Variants in TNNI3K observed in about 807,000 individuals in gnomAD.
TNNI3K encodes the protein serine/threonine-protein kinase TNNI3K.
TNNI3K carries 140 observed loss-of-function variants against 114.5 expected under a neutral mutation model. That is an observed-to-expected ratio of 1.22 (90% CI 1.07 to 1.41). The LOEUF (loss-of-function observed/expected upper bound fraction) is 1.41. TNNI3K is among the 40% of genes most tolerant of loss of function. The probability of loss-of-function intolerance (pLI) is 0.00; values close to 1 mark genes in which losing one functional copy is unlikely to be tolerated. For missense variants in TNNI3K, 1,125 were observed against 1,007.6 expected, an observed-to-expected ratio of 1.12 and a Z score of -1.58; for synonymous variants, 347 against 347.5, an observed-to-expected ratio of 1.00 and a Z score of 0.02.
intron 4 of TNNI3K, among the ~76,000 whole-genome samples, chr1:74,261,892 C>T (rs556366625): frequency 6.6e-6 from 1 of 151,912 alleles, no homozygotes; most frequent in Non-Finnish European, 1.5e-5. Flanking sequence ...ATATGTATTA[C>T]AAAAGGGAAG....
chr1:74,346,022 C>A (rs1020328047), intron 9 of TNNI3K: 9 of 152,276 alleles, frequency 5.9e-5, no homozygotes, highest in Admixed American at 5.9e-4. Context: ...CTGGAAAGAA[C>A]TGATAATGAA....
At chr1:74,324,277 T>G (rs1659780701) in intron 5 of TNNI3K, among the ~76,000 whole-genome samples, 2 of 152,200 alleles carry the variant, frequency 1.3e-5, no homozygotes, top group South Asian at 4.1e-4. Context: ...GGAGGGTCAC[T>G]CTTTAGGAGA....
chr1:74,375,002 C>T (rs889178565), intron 17 of TNNI3K: 2 of 151,874 alleles, frequency 1.3e-5, no homozygotes, highest in Admixed American at 1.3e-4. Context: ...TGATATTCTC[C>T]TTCTATAAAG....
chr1:74,523,641 T>TG (rs1646464759), intron 23 of TNNI3K, among the ~76,000 whole-genome samples: 1 of 152,226 alleles, frequency 6.6e-6, no homozygotes, highest in Non-Finnish European at 1.5e-5. Context: ...GCTCCTACTG[T>TG]ATGCCAGGCC....
chr1:74,542,936 C>T (rs1018009275), intron 24 of TNNI3K, among the ~76,000 whole-genome samples: 2 of 152,090 alleles, frequency 1.3e-5, no homozygotes, highest in Non-Finnish European at 2.9e-5. Context: ...GCATCAAATG[C>T]CACTGGTATT....
At chr1:74,262,848 G>C (rs1655760164) in intron 4 of TNNI3K, among the ~76,000 whole-genome samples, 1 of 152,012 alleles carries the variant, frequency 6.6e-6, no homozygotes, top group African/African-American at 2.4e-5. Flanking sequence ...AGTATTTCCT[G>C]GAAAACCTTC....
intron 9 of TNNI3K, among the ~76,000 whole-genome samples, chr1:74,347,636 A>G (rs1553134358): frequency 6.6e-6 from 1 of 152,088 alleles, no homozygotes; most frequent in South Asian, 2.1e-4. Flanking sequence ...AAGTGTTCCT[A>G]TTTCTCCACA....
intron 4 of TNNI3K, among the ~76,000 whole-genome samples, chr1:74,261,443 T>C (rs1207404061): frequency 6.6e-6 from 1 of 152,142 alleles, no homozygotes; most frequent in Non-Finnish European, 1.5e-5. Context: ...TATCTTTATA[T>C]ATAAATGTAT....
At chr1:74,520,903 A>C (rs1357369348) in intron 23 of TNNI3K, among the ~76,000 whole-genome samples, 3 of 152,018 alleles carry the variant, frequency 2.0e-5, no homozygotes, top group Non-Finnish European at 4.4e-5. Context: ...TTGGAGCTTT[A>C]ATTTGCACAG....
At chr1:74,248,379 GCTC>G (rs1418000031) in intron 2 of TNNI3K, among the ~76,000 whole-genome samples, 1 of 152,168 alleles carries the variant, frequency 6.6e-6, no homozygotes, top group Admixed American at 6.5e-5. Flanking sequence ...AGGCTGAAGG[GCTC>G]CTCAAGTGCA....
intron 17 of TNNI3K, among the ~76,000 whole-genome samples, chr1:74,400,044 T>G (rs969574931): frequency 2.6e-5 from 4 of 152,214 alleles, no homozygotes; most frequent in Non-Finnish European, 4.4e-5. Context: ...GGGTGAGCCA[T>G]TCTTCCAAAA....
chr1:74,416,422 G>A (rs747115206), intron 17 of TNNI3K: 112 of 961,680 alleles, frequency 1.2e-4, no homozygotes, highest in Non-Finnish European at 1.3e-4. Context: ...GTCTTTGTTA[G>A]CATGCGTGAC....
intron 5 of TNNI3K, among the ~76,000 whole-genome samples, chr1:74,272,384 G>A (rs920820321): frequency 5.9e-5 from 9 of 151,868 alleles, no homozygotes; most frequent in African/African-American, 2.2e-4. Context: ...AGAGAAGGGG[G>A]CACTATTTAA....
At chr1:74,503,162 A>G (rs1048172600) in intron 23 of TNNI3K, among the ~76,000 whole-genome samples, 4 of 152,218 alleles carry the variant, frequency 2.6e-5, no homozygotes, top group African/African-American at 9.6e-5. Flanking sequence ...TTTGTGGGCA[A>G]CAATTGACTT....
intron 23 of TNNI3K, among the ~76,000 whole-genome samples, chr1:74,538,993 A>C (rs1646694069): frequency 6.6e-6 from 1 of 152,144 alleles, no homozygotes; most frequent in Non-Finnish European, 1.5e-5. Context: ...AAGTAGGTGA[A>C]TGATGTAATC....
chr1:74,395,990 A>G (rs558866970), intron 17 of TNNI3K, among the ~76,000 whole-genome samples: 21 of 152,288 alleles, frequency 1.4e-4, no homozygotes, highest in Admixed American at 2.6e-4. Context: ...GTGAATAATA[A>G]AACCCCATCC....
chr1:74,442,054 A>G (rs1031061518), intron 20 of TNNI3K, among the ~76,000 whole-genome samples: 2 of 151,500 alleles, frequency 1.3e-5, no homozygotes, highest in African/African-American at 2.4e-5. Flanking sequence ...ACTTCCCCCT[A>G]TTTTTTTTAT....
At chr1:74,310,395 C>T (rs1230134878) in intron 5 of TNNI3K, among the ~76,000 whole-genome samples, 1 of 152,128 alleles carries the variant, frequency 6.6e-6, no homozygotes, top group Non-Finnish European at 1.5e-5. Context: ...CCATACTGCT[C>T]CAAGCAATCT....
rs1653791168 is a variant in TNNI3K, at chr1:74,235,477, C to G, written c.26C>G (p.Thr9Ser). The G allele has an allele frequency of 6.7e-7, 1 of 1,502,166 alleles. No homozygotes were observed. The highest frequency in any genetic ancestry group is 9.1e-7 in the Non-Finnish European group (1 of 1,095,172). The allele number at this position is 1,502,166 out of a possible 1,614,324, so 93.1% of individuals were successfully genotyped here. A position where few individuals can be genotyped will look rare whatever the true frequency, so the allele number is the denominator to read the frequency against. ...ATGGGAAATTATAAATCTAGACCAA[C>G]CCAAACTTGTACTGGTAATTATTCT... MGNYKSRP[T>S]QTCTDEWKKK... Residue 9 changes from threonine (T) to serine (S), a missense_variant, in exon 1 of 25, where the codon ACC (threonine) becomes AGC (serine). Coordinates refer to ENST00000326637, the MANE Select transcript of TNNI3K (RefSeq NM_015978.3).
Sources: gnomAD v4.1 joint callset for allele counts (sites outside exome capture counted in the v4.1 genomes callset) on GRCh38, gnomAD v4.1.1 for gene constraint, MANE v1.5 for transcripts, NCBI Gene and HGNC (gene_info 2026-07-23, HGNC 2026-07-21) for gene names.